The following ASCC3 variants were observed in gnomAD, a reference collection of about 807,000 sequenced individuals.
ASCC3 encodes the protein ASC-1 complex subunit P200.
Under a neutral mutation model 256.3 loss-of-function variants are expected in ASCC3, and 158 were observed. That is an observed-to-expected ratio of 0.62 (90% CI 0.54 to 0.70). The LOEUF (loss-of-function observed/expected upper bound fraction) is 0.70, where lower values mean the gene tolerates loss of function less well. Among genes scored for constraint, ASCC3 ranks in the 30% least tolerant of loss-of-function variants. The probability of loss-of-function intolerance (pLI) is 0.00; values close to 1 mark genes in which losing one functional copy is unlikely to be tolerated. For synonymous variants in ASCC3, 948 were observed against 883.4 expected, an observed-to-expected ratio of 1.07 and a Z score of -1.30; for missense variants, 2,259 against 2,626.0, an observed-to-expected ratio of 0.86 and a Z score of 3.05.
At chr6:100,626,726 G>C (rs1415943116) in intron 29 of ASCC3, among the ~76,000 whole-genome samples, 5 of 151,930 alleles carry the variant, frequency 3.3e-5, no homozygotes, top group Admixed American at 6.6e-5. Flanking sequence ...AATCATATTA[G>C]AGATACACCA....
chr6:100,662,968 C>G (rs1776298322), intron 14 of ASCC3, among the ~76,000 whole-genome samples: 1 of 152,100 alleles, frequency 6.6e-6, no homozygotes, highest in Non-Finnish European at 1.5e-5. Flanking sequence ...ACACTAGCCA[C>G]AATGGCTGGC....
Position 100,718,067 on chromosome 6 carries a change from G to C in ASCC3, c.2079+8C>G. On this transcript the variant is annotated splice_region_variant and intron_variant, in intron 12 of 41. Coordinates refer to ENST00000369162, the MANE Select transcript of ASCC3 (RefSeq NM_006828.4). ...TATTTTTAGATAAGAATTAAAATGA[G>C]TATTTACCTTATTTGCACATTTAAT... The C allele has an allele frequency of 6.2e-7, 1 of 1,611,270 alleles. No homozygotes were observed. Among genetic ancestry groups the C allele is most frequent in the Non-Finnish European group, 8.5e-7 (1 of 1,177,996 alleles).
chr6:100,679,664 A>G lies in ASCC3; in HGVS notation c.2240T>C (p.Phe747Ser). ...GTCATGTCCTTGGGTAGGAAAAAAGAAGGGAATATGGCCACAATTTTTTGC... is the reference window on the plus strand; with the variant it reads ...GTCATGTCCTTGGGTAGGAAAAAAGGAGGGAATATGGCCACAATTTTTTGC... ...ERAKNCGHIP[F>S]FFPTQGHDYV... The change falls in exon 14 of 42, where the codon TTC (phenylalanine) becomes TCC (serine). Residue 747 changes from phenylalanine (F) to serine (S), a missense_variant. Around this residue, in one of 2 missense-constraint regions of ASCC3, gnomAD observed 1,839 missense variants for 2,206.7 expected, o/e 0.83. Coordinates refer to ENST00000369162, the MANE Select transcript of ASCC3 (RefSeq NM_006828.4). 1 of 1,613,716 alleles carries G rather than the reference A, an allele frequency of 6.2e-7. No individual in the cohort carries two copies. The highest frequency in any genetic ancestry group is 8.5e-7 in the Non-Finnish European group (1 of 1,179,758).
chr6:100,812,015 C>G (rs916764658), intron 4 of ASCC3, among the ~76,000 whole-genome samples: 4 of 152,004 alleles, frequency 2.6e-5, no homozygotes, highest in Non-Finnish European at 5.9e-5. Flanking sequence ...GAGAAAGAGC[C>G]CTGCCAAAAC....
chr6:100,639,520 G>GT (rs1775010568), intron 24 of ASCC3, among the ~76,000 whole-genome samples: 1 of 152,110 alleles, frequency 6.6e-6, no homozygotes, highest in Non-Finnish European at 1.5e-5. Flanking sequence ...TAGAAAACCA[G>GT]AAGGCCACTT....
chr6:100,534,151 G>C (rs1775051822), intron 37 of ASCC3, among the ~76,000 whole-genome samples: 1 of 152,172 alleles, frequency 6.6e-6, no homozygotes, highest in African/African-American at 2.4e-5. Flanking sequence ...GGCTGAGGTG[G>C]GAGAATCCAT....
intron 8 of ASCC3, among the ~76,000 whole-genome samples, chr6:100,789,046 A>T (rs1769224128): frequency 6.6e-6 from 1 of 151,892 alleles, no homozygotes; most frequent in Non-Finnish European, 1.5e-5. Context: ...TTCAAAAAAG[A>T]CAACAAAAAC....
intron 4 of ASCC3, among the ~76,000 whole-genome samples, chr6:100,807,195 A>G (rs1392218767): frequency 6.6e-6 from 1 of 152,022 alleles, no homozygotes; most frequent in African/African-American, 2.4e-5. Context: ...ATTGAAGTTA[A>G]GAAACTTGTA....
chr6:100,873,005 G>A (rs529263419), intron 1 of ASCC3, among the ~76,000 whole-genome samples: 1 of 152,040 alleles, frequency 6.6e-6, no homozygotes, highest in African/African-American at 2.4e-5. Flanking sequence ...AAAAATCACA[G>A]TAGCTCACCA....
rs1188411121 is a variant in ASCC3 at position 100,642,692 on chromosome 6, G to A, written c.3790C>T (p.Pro1264Ser). Residue 1264 changes from proline (P) to serine (S), a missense_variant, in exon 24 of 42, where the codon CCT becomes TCT. Pro to Ser is a moderately conservative substitution (Grantham distance 74, BLOSUM62 -1). Coordinates refer to ENST00000369162, the MANE Select transcript of ASCC3 (RefSeq NM_006828.4). ...VFTIPIFEPL[P>S]SQYYIRAVSD... ...ACTGCTCGGATGTAGTATTGGGAAG[G>A]CAAAGGCTCAAAAATAGGGATTGTA... The A allele has an allele frequency of 6.2e-7, 1 of 1,613,880 alleles. No homozygotes were observed. Among genetic ancestry groups the A allele is most frequent in the East Asian group, 2.2e-5 (1 of 44,834 alleles).
intron 36 of ASCC3, among the ~76,000 whole-genome samples, chr6:100,545,910 C>G (rs1283643098): frequency 6.6e-6 from 1 of 152,034 alleles, no homozygotes; most frequent in Non-Finnish European, 1.5e-5. Context: ...CAACACTGTA[C>G]CACAGGTTCT....
At position 100,651,604 on chromosome 6, in the gene ASCC3, T is replaced by C; in HGVS notation, c.3031A>G (p.Ile1011Val). 6.3e-6 allele frequency: 10 copies of C among 1,590,466 alleles called. No homozygotes were observed. Among genetic ancestry groups the C allele is most frequent in the East Asian group, 2.3e-5 (1 of 44,164 alleles). The change falls in exon 19 of 42, where the codon ATC becomes GTC. Residue 1011 changes from isoleucine (I) to valine (V), a missense_variant. This residue lies in a region of ASCC3 where 1,839 missense variants were observed against 2,206.7 expected (regional missense o/e 0.83). Transcript: ENST00000369162. ...TCAGCTTTGGAGACTATGGCAAAGATATCACCTTCTGTTTTGTGAGCATCA... is the reference window on the plus strand; with the variant it reads ...TCAGCTTTGGAGACTATGGCAAAGACATCACCTTCTGTTTTGTGAGCATCA... Reference protein sequence around the residue: ...LFDAHKTEGDIFAIVSKAEEF... With the variant: ...LFDAHKTEGDVFAIVSKAEEF...
intron 23 of ASCC3, among the ~76,000 whole-genome samples, 168 bp downstream of exon 23, chr6:100,643,863 C>A (rs1298475519): frequency 6.6e-6 from 1 of 151,088 alleles, no homozygotes; most frequent in Non-Finnish European, 1.5e-5. Flanking sequence ...TTGAATATAC[C>A]AATACTATAA....
chr6:100,830,755 C>A (rs1771580195), intron 4 of ASCC3, among the ~76,000 whole-genome samples: 1 of 152,216 alleles, frequency 6.6e-6, no homozygotes, highest in African/African-American at 2.4e-5. Flanking sequence ...AAGATTATAT[C>A]ACAAAGCACT....
chr6:100,746,481 AT>A (rs1396079648), intron 10 of ASCC3, among the ~76,000 whole-genome samples: 1 of 152,098 alleles, frequency 6.6e-6, no homozygotes, highest in Non-Finnish European at 1.5e-5. Context: ...GTTGTGGGTA[AT>A]TTTTTCCTAC....
At chr6:100,879,636 G>T (rs540092961) in intron 1 of ASCC3, among the ~76,000 whole-genome samples, 1 of 151,406 alleles carries the variant, frequency 6.6e-6, no homozygotes, top group East Asian at 1.9e-4. Flanking sequence ...GAAAGAAACT[G>T]ATTTCTACCT....
chr6:100,839,642 C>A (rs1772043709), intron 4 of ASCC3, among the ~76,000 whole-genome samples: 2 of 152,108 alleles, frequency 1.3e-5, no homozygotes, highest in African/African-American at 4.8e-5. Context: ...TCTTCAATAA[C>A]AAGTCTCACT....
chr6:100,638,310 G>A (rs1162654960), intron 25 of ASCC3, among the ~76,000 whole-genome samples: 1 of 152,124 alleles, frequency 6.6e-6, no homozygotes, highest in Admixed American at 6.5e-5. Context: ...TAGGCATAAT[G>A]CTATTACACA....
chr6:100,577,470 T>C (rs939373721), intron 36 of ASCC3, among the ~76,000 whole-genome samples: 4 of 152,094 alleles, frequency 2.6e-5, no homozygotes, highest in African/African-American at 9.7e-5. Context: ...ACATTCAGAC[T>C]TTCTCTCTGA....
Sources: gnomAD v4.1 joint callset for allele counts (sites outside exome capture counted in the v4.1 genomes callset) on GRCh38, gnomAD v4.1.1 for gene constraint, gnomAD v4.1.1 regional missense constraint, MANE v1.5 for transcripts, NCBI Gene and HGNC (gene_info 2026-07-23, HGNC 2026-07-21) for gene names.